The following USP9X variants were observed in gnomAD, a reference collection of about 807,000 sequenced individuals.
USP9X encodes the protein ubiquitin carboxyl-terminal hydrolase 9X.
In USP9X, 7 loss-of-function variants were observed where a neutral mutation model predicts 190.3. The observed-to-expected ratio is 0.04, with a 90% CI of 0.02 to 0.07. The LOEUF (loss-of-function observed/expected upper bound fraction) is 0.07. USP9X is among the 10% of genes least tolerant of loss of function. USP9X has a pLI of 1.00. For synonymous variants in USP9X, 645 were observed against 659.5 expected, an observed-to-expected ratio of 0.98 and a Z score of 0.34; for missense variants, 1,010 against 1,916.9, an observed-to-expected ratio of 0.53 and a Z score of 8.83.
intron 38 of USP9X, among the ~76,000 whole-genome samples, chrX:41,222,024 A>AG (rs1220612813): frequency 9.0e-6 from 1 of 111,480 alleles, no homozygotes; most frequent in Admixed American, 9.6e-5. Flanking sequence ...CCATTTACTG[A>AG]GGGGAAACAC....
At chrX:41,129,787 G>A (rs747720121) in intron 3 of USP9X, among the ~76,000 whole-genome samples, 1 of 111,361 alleles carries the variant, frequency 9.0e-6, no homozygotes, top group African/African-American at 3.3e-5. Flanking sequence ...TGCTAGGAAG[G>A]TGCGACACAT....
intron 34 of USP9X, among the ~76,000 whole-genome samples, chrX:41,215,323 G>A (rs991880762): frequency 8.9e-6 from 1 of 112,762 alleles, no homozygotes; most frequent in Non-Finnish European, 1.9e-5. Flanking sequence ...CAAGTCACTT[G>A]TGTTGTTTTG....
chrX:41,198,422 C>A, intron 29 of USP9X, 106 bp from the exon 30 acceptor site: 1 of 418,724 alleles, frequency 2.4e-6, no homozygotes, highest in East Asian at 8.4e-5. Context: ...GTAATGAGAT[C>A]TTAAATTCCA....
chrX:41,181,902 A>G (rs1452563730), intron 21 of USP9X, among the ~76,000 whole-genome samples: 1 of 111,663 alleles, frequency 9.0e-6, no homozygotes, highest in East Asian at 2.8e-4. Context: ...CAAAATCGTC[A>G]TAAACTCTGG....
intron 21 of USP9X, among the ~76,000 whole-genome samples, chrX:41,180,592 C>T (rs943416830): frequency 1.8e-5 from 2 of 112,373 alleles, no homozygotes; most frequent in Non-Finnish European, 3.8e-5. Context: ...CTTCTAATTG[C>T]TACTCTATGG....
intron 3 of USP9X, among the ~76,000 whole-genome samples, chrX:41,130,475 T>C (rs991046640): frequency 1.0e-5 from 1 of 97,572 alleles, no homozygotes; most frequent in Admixed American, 1.2e-4. Flanking sequence ...CTTTTTTTCT[T>C]TTTTTTTTTG....
chrX:41,210,421 G>A, intron 32 of USP9X, 88 bp from the exon 33 acceptor site: 3 of 996,344 alleles, frequency 3.0e-6, no homozygotes, highest in Non-Finnish European at 2.8e-6. Flanking sequence ...TTGTGGTCTT[G>A]TTGCTTTTTT....
intron 1 of USP9X, among the ~76,000 whole-genome samples, chrX:41,104,961 A>C (rs1395644731): frequency 2.7e-5 from 3 of 111,963 alleles, no homozygotes; most frequent in Non-Finnish European, 5.6e-5. Context: ...CTTCAAAGCT[A>C]TGTTACTTTG....
intron 21 of USP9X, among the ~76,000 whole-genome samples, chrX:41,176,600 T>TTGA (rs1345210489): frequency 8.9e-6 from 1 of 112,041 alleles, no homozygotes; most frequent in Non-Finnish European, 1.9e-5. Flanking sequence ...AGATGAGCCC[T>TTGA]TGATGCAAGT....
Position 41,150,954 on chromosome X carries a change from C to G in USP9X, c.1660C>G (p.Arg554Gly), listed in dbSNP as rs1476156536. 9.1e-6 allele frequency: 11 copies of G among 1,204,950 alleles called. No individual in the cohort carries two copies. Among genetic ancestry groups the G allele is most frequent in the Non-Finnish European group, 1.2e-5 (11 of 892,727 alleles). ...TACACAAAAGATCCAATGGATAGAT[C>G]GCTTTATAGAAGAACTTCGCACAAA... ...RDTQKIQWIDRFIEELRTNDK... is the reference protein window; with the variant it reads ...RDTQKIQWIDGFIEELRTNDK... The change falls in exon 13 of 45, where the codon CGC becomes GGC. Residue 554 changes from arginine to glycine, a missense_variant. Physicochemically the swap from Arg to Gly is moderately radical, Grantham distance 125. This residue lies in a region of USP9X where 104 missense variants were observed against 239.8 expected (regional missense o/e 0.43). Transcript: ENST00000378308.
intron 11 of USP9X, among the ~76,000 whole-genome samples, chrX:41,145,360 A>G (rs1936656508): frequency 8.9e-6 from 1 of 112,308 alleles, no homozygotes; most frequent in South Asian, 3.7e-4. Flanking sequence ...TGACTTCTGA[A>G]TATACACTTG....
chrX:41,217,222 C>G lies in USP9X; in HGVS notation c.6088C>G (p.Gln2030Glu). 1 of 1,198,681 alleles carries G rather than the reference C, an allele frequency of 8.3e-7. No individual in the cohort carries two copies. The highest frequency in any genetic ancestry group is 1.1e-6 in the Non-Finnish European group (1 of 890,501). Residue 2030 changes from glutamine (Q) to glutamate (E), a missense_variant and splice_region_variant, in exon 36 of 45, where the codon CAA becomes GAA. Transcript: ENST00000378308. ...NGVYLNPPPGQDHLLPEAEEI... is the reference protein window; with the variant it reads ...NGVYLNPPPGEDHLLPEAEEI... ...TTATATCTGCATTTTATTTATAGGGCAAGATCACCTGTTGCCTGAAGCAGA... is the reference window on the plus strand; with the variant it reads ...TTATATCTGCATTTTATTTATAGGGGAAGATCACCTGTTGCCTGAAGCAGA...
chrX:41,130,022 A>G (rs1204759160), intron 3 of USP9X, among the ~76,000 whole-genome samples: 1 of 111,320 alleles, frequency 9.0e-6, no homozygotes, highest in African/African-American at 3.3e-5. Context: ...TTTCTCTGTA[A>G]TTTCCCCCTT....
intron 39 of USP9X, among the ~76,000 whole-genome samples, chrX:41,224,389 T>C (rs1398263225): frequency 1.8e-5 from 2 of 110,520 alleles, no homozygotes; most frequent in South Asian, 7.6e-4. Context: ...AATCCTAGCA[T>C]TTTGGGAGGC....
chrX:41,224,528 C>G (rs989008178), intron 39 of USP9X, among the ~76,000 whole-genome samples: 1 of 110,452 alleles, frequency 9.1e-6, no homozygotes, highest in South Asian at 3.9e-4. Context: ...CCCAGCTACT[C>G]GGAAGGCTGA....
At position 41,160,530 on chromosome X, in the gene USP9X, G is replaced by A. The variant is rs1349184486; in HGVS notation, c.1898-2260G>A. Among the ~76,000 whole-genome samples the A allele has an allele frequency of 3.6e-5, 4 of 111,353 alleles. No homozygotes were observed. In the East Asian group the frequency reaches 1.1e-3, roughly 31 times the overall value. ...CACCTAAACAAAAAAAGGGAGGTGG[G>A]TTGTTAGCTAAAACTAGTGGGCAAA... On this transcript the variant is annotated intron_variant, in intron 14 of 44. Coordinates refer to ENST00000378308, the MANE Select transcript of USP9X (RefSeq NM_001039591.3).
intron 18 of USP9X, among the ~76,000 whole-genome samples, chrX:41,169,144 A>ATT (rs769389002): frequency 9.5e-6 from 1 of 105,731 alleles, no homozygotes; most frequent in African/African-American, 3.4e-5. Context: ...CTTTTTTTGA[A>ATT]TTTTTTTTTT....
At chrX:41,122,519 T>C (rs1230644312) in intron 1 of USP9X, among the ~76,000 whole-genome samples, 3 of 111,570 alleles carry the variant, frequency 2.7e-5, no homozygotes, top group South Asian at 3.7e-4. Context: ...ATTCCTCTTA[T>C]GGGAAGGGGA....
chrX:41,186,065 A>G (rs1323886024), intron 23 of USP9X, among the ~76,000 whole-genome samples: 1 of 111,323 alleles, frequency 9.0e-6, no homozygotes, highest in Admixed American at 9.6e-5. Flanking sequence ...AAACTAGGGT[A>G]CCTTTCATAC....
Sources: allele counts gnomAD v4.1 joint callset (sites outside exome capture counted in the v4.1 genomes callset), GRCh38; gene constraint gnomAD v4.1.1; regional missense constraint gnomAD v4.1.1; transcripts MANE v1.5; gene names NCBI Gene and HGNC (gene_info 2026-07-23, HGNC 2026-07-21).